The following MYL1 variants were observed in gnomAD, a reference collection of about 807,000 sequenced individuals.
MYL1 encodes the protein myosin light chain 1/3, skeletal muscle isoform.
MYL1 carries 16 observed loss-of-function variants against 21.8 expected under a neutral mutation model. That is an observed-to-expected ratio of 0.74 (90% CI 0.50 to 1.12). The LOEUF (loss-of-function observed/expected upper bound fraction) is 1.12. Ranked by LOEUF, MYL1 falls within the 50% of genes most tolerant of loss-of-function variation. The pLI is 0.00. For missense variants in MYL1, 246 were observed against 241.0 expected, an observed-to-expected ratio of 1.02 and a Z score of -0.14; for synonymous variants, 99 against 85.2, an observed-to-expected ratio of 1.16 and a Z score of -0.89.
At chr2:210,295,886 C>T (rs1690166534) in intron 3 of MYL1, among the ~76,000 whole-genome samples, 2 of 151,380 alleles carry the variant, frequency 1.3e-5, no homozygotes. Flanking sequence ...CTATTGCTTG[C>T]TCACTTTATC....
At chr2:210,302,880 A>AT in intron 1 of MYL1, 2 of 1,417,934 alleles carry the variant, frequency 1.4e-6, no homozygotes, top group South Asian at 1.3e-5. Context: ...TTGCTCTGAG[A>AT]TTTTTAGGAA....
chr2:210,307,943 A>T lies in MYL1; in HGVS notation c.133-5428T>A, dbSNP rs567567833. 3.3e-5 allele frequency among the ~76,000 whole-genome samples: 5 copies of T among 152,314 alleles called. No individual in the cohort carries two copies. The South Asian group carries it at 1.0e-3, about 32-fold the overall frequency. On this transcript the variant is annotated intron_variant, in intron 1 of 6. Transcript: ENST00000352451. ...GTTAATCAAACAGGCTCTGGAACTG[A>T]TGTAGGTTAAGCCTTAGTAAAAGAA... is the stretch of plus-strand genomic sequence containing the variant.
chr2:210,298,715 A>G lies in MYL1; in HGVS notation c.161-152T>C, dbSNP rs565506577. 1,129 of 856,218 alleles carry G rather than the reference A, an allele frequency of 1.3e-3. 25 individuals are homozygous for G. The South Asian group carries it at 0.018, about 13-fold the overall frequency. 53.0% of individuals were successfully genotyped at this position (856,218 alleles called of 1,614,324 possible). ...TCCTGGATTCTCTTTTTGTATCTCC[A>G]AATATCATTGGCAAAAACTTAGCAT... is the stretch of plus-strand genomic sequence containing the variant. On this transcript the variant is annotated intron_variant, in intron 2 of 6. Coordinates refer to ENST00000352451, the MANE Select transcript of MYL1 (RefSeq NM_079420.3).
intron 5 of MYL1, among the ~76,000 whole-genome samples, chr2:210,293,334 A>C (rs958052330): frequency 6.6e-6 from 1 of 152,184 alleles, no homozygotes; most frequent in South Asian, 2.1e-4. Flanking sequence ...TTTGACCTTC[A>C]CCAAGTAACT....
At chr2:210,291,186 T>C in intron 5 of MYL1, 112 bp from the exon 6 acceptor site, 2 of 813,122 alleles carry the variant, frequency 2.5e-6, no homozygotes, top group Non-Finnish European at 4.1e-6. Flanking sequence ...GTAACAATAG[T>C]TTCTTTTCTT....
chr2:210,315,059 G>T lies in MYL1; in HGVS notation c.-17C>A, dbSNP rs1256841896. On this transcript the variant is annotated 5_prime_UTR_variant, in exon 1 of 7. Transcript: ENST00000352451. Reference sequence around the variant, plus strand: ...TGGTGCCATTTTTTTTTTTAAAAGGGTGGGTTAAAAAGAGAAGGAGTTCCT... The same window carrying T: ...TGGTGCCATTTTTTTTTTTAAAAGGTTGGGTTAAAAAGAGAAGGAGTTCCT... 6.3e-7 allele frequency: 1 copy of T among 1,594,290 alleles called. No homozygotes were observed. Among genetic ancestry groups the T allele is most frequent in the Non-Finnish European group, 8.5e-7 (1 of 1,175,512 alleles).
chr2:210,314,967 G>A lies in MYL1; in HGVS notation c.76C>T (p.Pro26Ser). ...AAPAPAPAPA[P>S]APAPAKPKEE... ...TTGGGTTTGGCTGGGGCAGGGGCAGGTGCAGGTGCCGGTGCCGGGGCTGGG... is the reference window on the plus strand; with the variant it reads ...TTGGGTTTGGCTGGGGCAGGGGCAGATGCAGGTGCCGGTGCCGGGGCTGGG... Residue 26 changes from proline to serine, a missense_variant, in exon 1 of 7, where the codon CCT (proline) becomes TCT (serine). Pro to Ser is a moderately conservative substitution (Grantham distance 74, BLOSUM62 -1). Transcript: ENST00000352451. The A allele has an allele frequency of 6.2e-7, 1 of 1,613,002 alleles. No homozygotes were observed. The highest frequency in any genetic ancestry group is 1.1e-5 in the South Asian group (1 of 91,002).
chr2:210,303,594 A>T (rs757776776), intron 1 of MYL1: 2 of 1,604,686 alleles, frequency 1.2e-6, no homozygotes, highest in African/African-American at 2.7e-5. Flanking sequence ...GAGTGAGTTG[A>T]GGGCTGCTCC....
Position 210,314,919 on chromosome 2 carries a change from C to A in MYL1, c.124G>T (p.Ala42Ser). The A allele has an allele frequency of 6.2e-7, 1 of 1,613,840 alleles. No individual in the cohort carries two copies. The highest frequency in any genetic ancestry group is 2.2e-5 in the East Asian group (1 of 44,866). Residue 42 changes from alanine to serine, a missense_variant, in exon 1 of 7, where the codon GCC becomes TCC. Physicochemically the swap from Ala to Ser is moderately conservative, Grantham distance 99 (BLOSUM62 1). Coordinates refer to ENST00000352451, the MANE Select transcript of MYL1 (RefSeq NM_079420.3). Reference protein sequence around the residue: ...KPKEEKIDLSAIKIEFSKEQQ... With the variant: ...KPKEEKIDLSSIKIEFSKEQQ... ...TTCATCCATTTAGTTACCTTAATGGCAGAGAGGTCAATTTTTTCTTCTTTG... is the reference window on the plus strand; with the variant it reads ...TTCATCCATTTAGTTACCTTAATGGAAGAGAGGTCAATTTTTTCTTCTTTG...
chr2:210,299,224 A>G lies in MYL1; in HGVS notation c.161-661T>C, dbSNP rs572575171. Among the ~76,000 whole-genome samples, 8 of 152,214 alleles carry G rather than the reference A, an allele frequency of 5.3e-5. No individual in the cohort carries two copies. In the South Asian group the frequency reaches 1.7e-3, roughly 32 times the overall value. On this transcript the variant is annotated intron_variant, in intron 2 of 6. Transcript: ENST00000352451. Reference sequence around the variant, plus strand: ...TGCTGTGATAATCTCTTTATACTTTACCCTTTTATCAAATAATACATATGA... The same window carrying G: ...TGCTGTGATAATCTCTTTATACTTTGCCCTTTTATCAAATAATACATATGA...
intron 3 of MYL1, among the ~76,000 whole-genome samples, chr2:210,294,868 C>T (rs1297625868): frequency 1.3e-5 from 2 of 152,070 alleles, no homozygotes; most frequent in Admixed American, 6.6e-5. Flanking sequence ...ATACAACAAA[C>T]TCATTAGTGG....
intron 5 of MYL1, among the ~76,000 whole-genome samples, chr2:210,292,473 T>C (rs1690092962): frequency 6.6e-6 from 1 of 152,256 alleles, no homozygotes; most frequent in African/African-American, 2.4e-5. Context: ...ATGTACTTGC[T>C]AATTTTCTAT....
At chr2:210,300,590 CTT>C in intron 2 of MYL1, among the ~76,000 whole-genome samples, 1 of 152,154 alleles carries the variant, frequency 6.6e-6, no homozygotes, top group East Asian at 1.9e-4. Flanking sequence ...TGTTCTAGAA[CTT>C]TTTGGTAATA....
In MYL1 at chr2:210,315,037, T is replaced by C; in HGVS notation, c.6A>G (p.Ala2=). 6.3e-7 allele frequency: 1 copy of C among 1,590,364 alleles called. No individual in the cohort carries two copies. The highest frequency in any genetic ancestry group is 1.7e-4 in the Middle Eastern group (1 of 5,784). The change falls in exon 1 of 7, where the codon GCA becomes GCG. Residue 2 remains alanine (A), a synonymous_variant. Transcript: ENST00000352451. ...CAGGTTTCTTCACGTCTTTCTTTGG[T>C]GCCATTTTTTTTTTTAAAAGGGTGG... M[A]PKKDVKKPVA... is the part of the protein sequence containing the mutation.
chr2:210,302,192 A>G (rs543155471), intron 2 of MYL1, among the ~76,000 whole-genome samples: 2 of 152,260 alleles, frequency 1.3e-5, no homozygotes, highest in South Asian at 2.1e-4. Context: ...TGGGATATAT[A>G]TATATATGTA....
At chr2:210,298,804 A>G (rs1690220233) in intron 2 of MYL1, among the ~76,000 whole-genome samples, 1 of 152,188 alleles carries the variant, frequency 6.6e-6, no homozygotes, top group South Asian at 2.1e-4. Context: ...TGTTAATCAG[A>G]TATGGAAATT....
chr2:210,293,907 G>C (rs1575701746), intron 4 of MYL1, 107 bp from the exon 5 acceptor site: 1 of 931,828 alleles, frequency 1.1e-6, no homozygotes, highest in East Asian at 2.4e-5. Context: ...TGACATATAG[G>C]AACTGTGACT....
intron 1 of MYL1, among the ~76,000 whole-genome samples, chr2:210,305,219 A>G (rs1196734388): frequency 2.6e-5 from 4 of 152,222 alleles, no homozygotes. Flanking sequence ...CTCTAAGTTT[A>G]TAAGTAGGAA....
At chr2:210,290,821 GC>G (rs1690063841) in intron 6 of MYL1, among the ~76,000 whole-genome samples, 2 of 152,094 alleles carry the variant, frequency 1.3e-5, no homozygotes, top group South Asian at 4.1e-4. Flanking sequence ...ATGAATGGAA[GC>G]AAAAACCTCA....
Sources: gnomAD v4.1 joint callset for allele counts (sites outside exome capture counted in the v4.1 genomes callset) on GRCh38, gnomAD v4.1.1 for gene constraint, MANE v1.5 for transcripts, NCBI Gene and HGNC (gene_info 2026-07-23, HGNC 2026-07-21) for gene names.